SLC38A12: variants seen among roughly 807,000 people sequenced by gnomAD.
SLC38A12 encodes solute carrier family 38 member 12.
the SLC38A12 span, among the ~76,000 whole-genome samples, chr17:74,804,149 T>C: frequency 4.9e-3 from 748 of 152,406 alleles, 5 homozygotes; most frequent in African/African-American, 0.017. Context: ...GGCTGTGCTA[T>C]TCCCTGAATG....
At chr17:74,786,190 T>C in the SLC38A12 span, among the ~76,000 whole-genome samples, 2 of 151,694 alleles carry the variant, frequency 1.3e-5, no homozygotes, top group African/African-American at 4.9e-5. Context: ...GGAGGGTGGG[T>C]TCCACCTGAG....
the SLC38A12 span, chr17:74,819,864 G>A: frequency 5.6e-6 from 9 of 1,599,656 alleles, no homozygotes; most frequent in East Asian, 2.2e-5. Flanking sequence ...GAAACAGCTC[G>A]AGTCTCTGCG....
At chr17:74,780,945 CCTCT>C in the SLC38A12 span, among the ~76,000 whole-genome samples, 1 of 152,206 alleles carries the variant, frequency 6.6e-6, no homozygotes, top group Non-Finnish European at 1.5e-5. Context: ...TTTCATTATA[CCTCT>C]CTCTACAGCA....
At chr17:74,786,450 G>A in the SLC38A12 span, among the ~76,000 whole-genome samples, 2 of 152,250 alleles carry the variant, frequency 1.3e-5, no homozygotes, top group Non-Finnish European at 2.9e-5. Flanking sequence ...TGCCTGTGCA[G>A]ACTTGACTTT....
At chr17:74,777,271 G>A in the SLC38A12 span, 4 of 1,604,600 alleles carry the variant, frequency 2.5e-6, no homozygotes, top group East Asian at 2.2e-5. Context: ...AAGGAGCTGC[G>A]GCAGCCGCCG....
At chr17:74,796,585 C>T in the SLC38A12 span, among the ~76,000 whole-genome samples, 1 of 152,242 alleles carries the variant, frequency 6.6e-6, no homozygotes, top group African/African-American at 2.4e-5. Context: ...ACTCTGCAGC[C>T]GTGCTGTAGG....
the SLC38A12 span, chr17:74,819,980 C>A: frequency 2.8e-6 from 2 of 723,710 alleles, no homozygotes; most frequent in South Asian, 1.7e-5. Context: ...CCTGTCTGGT[C>A]CTCCCACCTT....
the SLC38A12 span, chr17:74,785,407 G>A: frequency 6.4e-7 from 1 of 1,563,618 alleles, no homozygotes; most frequent in Non-Finnish European, 8.7e-7. Context: ...CCATCACCAG[G>A]GTCGTTCCTT....
chr17:74,804,808 G>A, the SLC38A12 span, among the ~76,000 whole-genome samples: 795 of 152,314 alleles, frequency 5.2e-3, 7 homozygotes, highest in African/African-American at 0.018. Flanking sequence ...AGGCCCCTGC[G>A]GTCTGTAATG....
the SLC38A12 span, chr17:74,819,889 C>T: frequency 1.9e-6 from 3 of 1,553,140 alleles, no homozygotes. Context: ...CTCCTCTCGT[C>T]CCTTCCCTCT....
At chr17:74,797,219 A>G in the SLC38A12 span, among the ~76,000 whole-genome samples, 1 of 152,180 alleles carries the variant, frequency 6.6e-6, no homozygotes, top group Non-Finnish European at 1.5e-5. Context: ...TGGTTCCCTC[A>G]CTTATTCCTA....
At chr17:74,794,527 A>G in the SLC38A12 span, among the ~76,000 whole-genome samples, 4 of 152,138 alleles carry the variant, frequency 2.6e-5, no homozygotes, top group Non-Finnish European at 5.9e-5. Context: ...TACCCTTTGG[A>G]TCCCAGCTTC....
the SLC38A12 span, among the ~76,000 whole-genome samples, chr17:74,802,648 A>T: frequency 6.6e-6 from 1 of 152,308 alleles, no homozygotes; most frequent in African/African-American, 2.4e-5. Context: ...GAATATCTGC[A>T]TTATACTCAC....
At chr17:74,823,135 C>T in the SLC38A12 span, among the ~76,000 whole-genome samples, 3 of 152,188 alleles carry the variant, frequency 2.0e-5, no homozygotes, top group Admixed American at 6.5e-5. Context: ...TTCCCACACT[C>T]GCGCCGCACC....
the SLC38A12 span, chr17:74,836,878 C>G: frequency 2.2e-6 from 3 of 1,380,926 alleles, no homozygotes; most frequent in East Asian, 2.7e-5. This position sits in a 1 kb window ranked among gnomAD's most constrained non-coding sequence, Gnocchi z 4.2. Context: ...TGTCCTCACT[C>G]CCCCGGGCAG....
At chr17:74,778,587 G>T in the SLC38A12 span, among the ~76,000 whole-genome samples, 1 of 151,322 alleles carries the variant, frequency 6.6e-6, no homozygotes, top group African/African-American at 2.4e-5. Context: ...TTCATGTGTG[G>T]CAATAAAGGA....
At chr17:74,801,253 T>A in the SLC38A12 span, among the ~76,000 whole-genome samples, 1 of 152,254 alleles carries the variant, frequency 6.6e-6, no homozygotes, top group South Asian at 2.1e-4. Flanking sequence ...CGGGTTTGTT[T>A]TGCCTTTCAC....
chr17:74,826,452 T>C, the SLC38A12 span, among the ~76,000 whole-genome samples: 2 of 152,200 alleles, frequency 1.3e-5, no homozygotes, highest in African/African-American at 4.8e-5. Context: ...GAAGCTAGAA[T>C]CCTCCAGAAA....
At chr17:74,795,275 G>T in the SLC38A12 span, among the ~76,000 whole-genome samples, 1 of 152,204 alleles carries the variant, frequency 6.6e-6, no homozygotes, top group African/African-American at 2.4e-5. Context: ...CAGCCATGCT[G>T]TCTGTCCTTA....
Sources: gnomAD v4.1 joint callset for allele counts (sites outside exome capture counted in the v4.1 genomes callset) on GRCh38, gnomAD v4.1.1 for gene constraint, Gnocchi (gnomAD v3.1) non-coding constraint, MANE v1.5 for transcripts, NCBI Gene and HGNC (gene_info 2026-07-23, HGNC 2026-07-21) for gene names.